Variants in CDH2 observed in about 807,000 individuals in gnomAD.
The protein encoded by CDH2 is cadherin-2.
In CDH2, 17 loss-of-function variants were observed where a neutral mutation model predicts 92.0. The ratio of observed to expected loss-of-function variants is 0.18; its 90% CI spans 0.13 to 0.28. The LOEUF is 0.28. Among genes scored for constraint, CDH2 ranks in the 10% least tolerant of loss-of-function variants. CDH2 has a pLI of 1.00. For missense variants in CDH2, 862 were observed against 1,133.1 expected, an observed-to-expected ratio of 0.76 and a Z score of 3.44; for synonymous variants, 419 against 415.9, an observed-to-expected ratio of 1.01 and a Z score of -0.09.
chr18:28,039,255 G>A (rs956934044), intron 2 of CDH2, among the ~76,000 whole-genome samples: 2 of 152,082 alleles, frequency 1.3e-5, no homozygotes, highest in Non-Finnish European at 1.5e-5. Context: ...AGGATTGCGC[G>A]GCATAGGGAA....
chr18:27,955,546 C>A (rs1392964898), intron 15 of CDH2, among the ~76,000 whole-genome samples: 6 of 151,768 alleles, frequency 4.0e-5, no homozygotes, highest in Non-Finnish European at 8.8e-5. Flanking sequence ...AAGAAGGGGT[C>A]TGGTCTTCCC....
At chr18:28,147,967 A>G (rs2016064284) in intron 1 of CDH2, among the ~76,000 whole-genome samples, 183 bp from the exon 2 acceptor site, 1 of 152,214 alleles carries the variant, frequency 6.6e-6, no homozygotes, top group African/African-American at 2.4e-5. Context: ...TAACTGGAGT[A>G]GAAGAAACAA....
chr18:28,039,128 C>A (rs1047164512), intron 2 of CDH2, among the ~76,000 whole-genome samples: 3 of 152,146 alleles, frequency 2.0e-5, no homozygotes, highest in African/African-American at 7.2e-5. Flanking sequence ...TGCCACCTGA[C>A]TGGGTCTAAT....
intron 15 of CDH2, among the ~76,000 whole-genome samples, chr18:27,954,881 C>G (rs1909634189): frequency 6.6e-6 from 1 of 152,240 alleles, no homozygotes; most frequent in African/African-American, 2.4e-5. Context: ...TTAGCCTACA[C>G]TCCTCTTCCC....
At chr18:28,002,102 G>C (rs1302885530) in intron 7 of CDH2, among the ~76,000 whole-genome samples, 1 of 152,162 alleles carries the variant, frequency 6.6e-6, no homozygotes, top group Non-Finnish European at 1.5e-5. Context: ...AAAATAGTCA[G>C]GACAGAATCG....
At chr18:28,161,904 C>T (rs1306616241) in intron 1 of CDH2, among the ~76,000 whole-genome samples, 3 of 152,148 alleles carry the variant, frequency 2.0e-5, no homozygotes, top group Non-Finnish European at 4.4e-5. Context: ...GTCAGAGCCA[C>T]GCCACCTATG....
chr18:28,084,669 T>G (rs1393134486), intron 2 of CDH2, among the ~76,000 whole-genome samples: 2 of 152,114 alleles, frequency 1.3e-5, no homozygotes, highest in Non-Finnish European at 2.9e-5. Context: ...AAACAACTGT[T>G]TCTTCCACTT....
At chr18:28,024,773 A>G (rs1043272132) in intron 2 of CDH2, among the ~76,000 whole-genome samples, 2 of 151,880 alleles carry the variant, frequency 1.3e-5, no homozygotes, top group Non-Finnish European at 2.9e-5. Context: ...AAACACTTTA[A>G]TTCTAAAACA....
At chr18:27,942,648 G>A (rs1171665614) in intron 6 of CDH2, among the ~76,000 whole-genome samples, 1 of 152,198 alleles carries the variant, frequency 6.6e-6, no homozygotes, top group African/African-American at 2.4e-5. Flanking sequence ...AGAAACAGAA[G>A]AAAAGATTCA....
intron 1 of CDH2, among the ~76,000 whole-genome samples, chr18:28,165,241 G>GGT (rs2016360917): frequency 6.6e-6 from 1 of 152,062 alleles, no homozygotes; most frequent in Non-Finnish European, 1.5e-5. Flanking sequence ...GGAGTGCAGT[G>GGT]GTGTGATCAC....
chr18:27,998,856 C>A (rs576116405), intron 7 of CDH2, among the ~76,000 whole-genome samples: 12 of 152,188 alleles, frequency 7.9e-5, no homozygotes, highest in Non-Finnish European at 1.5e-4. Context: ...CTAGGCTCAA[C>A]TGATCTGCCT....
intron 2 of CDH2, among the ~76,000 whole-genome samples, chr18:28,053,220 A>G (rs1358542891): frequency 7.0e-6 from 1 of 143,644 alleles, no homozygotes; most frequent in Non-Finnish European, 1.6e-5. Flanking sequence ...CCATTCCACC[A>G]TGTAATTGTA....
At chr18:28,049,401 G>C (rs2014145427) in intron 2 of CDH2, among the ~76,000 whole-genome samples, 1 of 152,112 alleles carries the variant, frequency 6.6e-6, no homozygotes, top group South Asian at 2.1e-4. Context: ...CCTTCTGCGA[G>C]AGAGGAAACT....
chr18:27,981,507 T>C (rs1344629857), intron 14 of CDH2, among the ~76,000 whole-genome samples: 4 of 152,210 alleles, frequency 2.6e-5, no homozygotes, highest in African/African-American at 9.6e-5. Flanking sequence ...AGCTGGGGTA[T>C]TGTAAACCAA....
intron 2 of CDH2, among the ~76,000 whole-genome samples, chr18:28,048,471 A>G (rs2014124542): frequency 1.3e-5 from 2 of 152,180 alleles, no homozygotes; most frequent in Non-Finnish European, 2.9e-5. Context: ...AAGGGCGATA[A>G]ATAATGATTC....
At chr18:28,089,090 A>G (rs2014990028) in intron 2 of CDH2, among the ~76,000 whole-genome samples, 1 of 152,216 alleles carries the variant, frequency 6.6e-6, no homozygotes, top group Non-Finnish European at 1.5e-5. Context: ...GAGAGGAGGA[A>G]CAGAGCTCAT....
At chr18:27,962,041 A>G (rs940986165) in intron 15 of CDH2, among the ~76,000 whole-genome samples, 17 of 152,224 alleles carry the variant, frequency 1.1e-4, no homozygotes, top group African/African-American at 3.4e-4. Flanking sequence ...GAATAACTCA[A>G]CAATTTCTTA....
At chr18:28,064,276 AC>A (rs1221207030) in intron 2 of CDH2, among the ~76,000 whole-genome samples, 8 of 152,056 alleles carry the variant, frequency 5.3e-5, no homozygotes, top group Admixed American at 5.2e-4. Flanking sequence ...AATTTTATTA[AC>A]AGTTTATTTT....
chr18:28,105,686 G>A (rs977360512), intron 2 of CDH2, among the ~76,000 whole-genome samples: 15 of 152,034 alleles, frequency 9.9e-5, no homozygotes, highest in African/African-American at 2.9e-4. Context: ...TCTGGGTCAT[G>A]GACCTTAAAC....
Sources: gnomAD v4.1 joint callset for allele counts (sites outside exome capture counted in the v4.1 genomes callset) on GRCh38, gnomAD v4.1.1 for gene constraint, MANE v1.5 for transcripts, NCBI Gene and HGNC (gene_info 2026-07-23, HGNC 2026-07-21) for gene names.